Variants in SRGAP1 observed in about 807,000 individuals in gnomAD.
The protein encoded by SRGAP1 is SLIT-ROBO Rho GTPase-activating protein 1.
In SRGAP1, 43 loss-of-function variants were observed where a neutral mutation model predicts 121.9. The observed-to-expected ratio is 0.35, with a 90% confidence interval of 0.28 to 0.46. The LOEUF (loss-of-function observed/expected upper bound fraction) is 0.46. Among genes scored for constraint, SRGAP1 ranks in the 20% least tolerant of loss-of-function variants. SRGAP1 has a pLI of 1.00. For missense variants in SRGAP1, 1,102 were observed against 1,350.9 expected, an observed-to-expected ratio of 0.82 and a Z score of 2.89; for synonymous variants, 447 against 485.4, an observed-to-expected ratio of 0.92 and a Z score of 1.04.
intron 3 of SRGAP1, among the ~76,000 whole-genome samples, chr12:64,003,143 T>A (rs571818162): frequency 6.6e-6 from 1 of 151,846 alleles, no homozygotes; most frequent in South Asian, 2.1e-4. Flanking sequence ...TGGAGTGCAG[T>A]GGCTCAATCA....
intron 1 of SRGAP1, among the ~76,000 whole-genome samples, chr12:63,886,751 G>A (rs564649695): frequency 3.3e-5 from 5 of 152,062 alleles, no homozygotes; most frequent in African/African-American, 7.2e-5. Context: ...GATTACAGGC[G>A]TGAGACACCA....
intron 1 of SRGAP1, among the ~76,000 whole-genome samples, chr12:63,846,949 G>C (rs1333085728): frequency 6.6e-6 from 1 of 152,240 alleles, no homozygotes; most frequent in African/African-American, 2.4e-5. Context: ...CCAATGCAGG[G>C]AGAGTAGGCC....
intron 1 of SRGAP1, among the ~76,000 whole-genome samples, chr12:63,905,745 A>C (rs1038871325): frequency 1.3e-5 from 2 of 152,192 alleles, no homozygotes; most frequent in Non-Finnish European, 2.9e-5. Flanking sequence ...AGGAACAGAC[A>C]CTCTCACATA....
chr12:64,110,494 G>A (rs924888181), intron 16 of SRGAP1, among the ~76,000 whole-genome samples: 2 of 152,310 alleles, frequency 1.3e-5, no homozygotes, highest in East Asian at 3.9e-4. Context: ...CAGGATGCTT[G>A]GGATGGGGAT....
intron 1 of SRGAP1, among the ~76,000 whole-genome samples, chr12:63,875,448 T>C (rs780239522): frequency 6.6e-6 from 1 of 152,238 alleles, no homozygotes; most frequent in Non-Finnish European, 1.5e-5. Context: ...CTGAAATGTA[T>C]GTAAACAAAA....
chr12:63,849,442 T>C (rs755134702), intron 1 of SRGAP1, among the ~76,000 whole-genome samples: 3 of 152,258 alleles, frequency 2.0e-5, no homozygotes, highest in Non-Finnish European at 4.4e-5. Flanking sequence ...TGCTAGTTGC[T>C]AAGAATTGAC....
chr12:63,960,294 G>A (rs968159706), intron 1 of SRGAP1, among the ~76,000 whole-genome samples: 6 of 152,144 alleles, frequency 3.9e-5, no homozygotes, highest in South Asian at 2.1e-4. Context: ...GTTCCCCTCC[G>A]GAGCTTCTGT....
chr12:64,056,058 CAT>C (rs72056921), intron 6 of SRGAP1, among the ~76,000 whole-genome samples: 33,998 of 152,006 alleles, frequency 0.22, 4,023 homozygotes, highest in Non-Finnish European at 0.26. Context: ...CCTCCACACA[CAT>C]AACAACATTC....
chr12:64,113,942 C>T (rs982679401), intron 17 of SRGAP1, among the ~76,000 whole-genome samples: 1 of 152,168 alleles, frequency 6.6e-6, no homozygotes, highest in Admixed American at 6.5e-5. Context: ...GGACCCTGCT[C>T]ACAACACTTT....
chr12:63,854,993 G>A (rs548459628), intron 1 of SRGAP1, among the ~76,000 whole-genome samples: 130 of 152,144 alleles, frequency 8.5e-4, no homozygotes, highest in Non-Finnish European at 1.6e-3. Flanking sequence ...ATTGAGCAAT[G>A]TGCTAGTTAA....
chr12:64,073,853 T>C (rs989497437), intron 8 of SRGAP1, among the ~76,000 whole-genome samples: 11 of 152,140 alleles, frequency 7.2e-5, no homozygotes, highest in Admixed American at 1.3e-4. Flanking sequence ...TTGCGTTTTT[T>C]GGTTGTTCAG....
chr12:63,966,975 C>T (rs941321829), intron 1 of SRGAP1, among the ~76,000 whole-genome samples: 1 of 152,210 alleles, frequency 6.6e-6, no homozygotes, highest in Non-Finnish European at 1.5e-5. Context: ...ATTCACGTCT[C>T]ATAAGTTGCC....
intron 1 of SRGAP1, among the ~76,000 whole-genome samples, chr12:63,846,443 G>A: frequency 6.6e-6 from 1 of 152,130 alleles, no homozygotes; most frequent in East Asian, 1.9e-4. Flanking sequence ...GCCGCCTAGA[G>A]CACTAATTGG....
chr12:64,128,083 C>G lies in SRGAP1; in HGVS notation c.2763C>G (p.Ile921Met), dbSNP rs1334145746. The G allele has an allele frequency of 6.2e-7, 1 of 1,614,170 alleles. No homozygotes were observed. Among genetic ancestry groups the G allele is most frequent in the Admixed American group, 1.7e-5 (1 of 60,024 alleles). Residue 921 changes from isoleucine to methionine, a missense_variant, in exon 21 of 22, where the codon ATC becomes ATG. Ile to Met is a conservative substitution (Grantham distance 10). This residue lies in a region of SRGAP1 where 315 missense variants were observed against 343.1 expected (regional missense o/e 0.92). Coordinates refer to ENST00000355086, the MANE Select transcript of SRGAP1 (RefSeq NM_020762.4). ...CTGGCCATGGCAGCCTGACCAACAT[C>G]AGCCGGCACGACTCCCTCAAGAAGA... ...RRPGHGSLTNISRHDSLKKID... is the reference protein window; with the variant it reads ...RRPGHGSLTNMSRHDSLKKID...
intron 17 of SRGAP1, among the ~76,000 whole-genome samples, chr12:64,113,019 T>A (rs550851783): frequency 6.6e-6 from 1 of 151,858 alleles, no homozygotes; most frequent in South Asian, 2.1e-4. Flanking sequence ...GGCTGGAAGA[T>A]CATTTGAGCC....
At chr12:63,929,808 A>G (rs891926421) in intron 1 of SRGAP1, among the ~76,000 whole-genome samples, 37 of 152,130 alleles carry the variant, frequency 2.4e-4, no homozygotes, top group African/African-American at 8.7e-4. Context: ...ATAATTCAAA[A>G]CAAAGTTCAA....
intron 1 of SRGAP1, among the ~76,000 whole-genome samples, chr12:63,855,916 T>C (rs1484424529): frequency 6.6e-6 from 1 of 152,224 alleles, no homozygotes; most frequent in Non-Finnish European, 1.5e-5. Context: ...CAGTTATATC[T>C]GTTGCAAATA....
chr12:64,135,273 C>G (rs974783469), intron 21 of SRGAP1, among the ~76,000 whole-genome samples: 2 of 152,146 alleles, frequency 1.3e-5, no homozygotes, highest in African/African-American at 2.4e-5. Flanking sequence ...ACAGTAGACA[C>G]CTGGTGAGGC....
intron 21 of SRGAP1, among the ~76,000 whole-genome samples, chr12:64,136,399 A>C (rs1007077356): frequency 2.0e-5 from 3 of 152,214 alleles, no homozygotes; most frequent in Admixed American, 6.5e-5. Flanking sequence ...CAGTGAGAAA[A>C]GAGGTTAATA....
Sources: allele counts gnomAD v4.1 joint callset (sites outside exome capture counted in the v4.1 genomes callset), GRCh38; gene constraint gnomAD v4.1.1; regional missense constraint gnomAD v4.1.1; transcripts MANE v1.5; gene names NCBI Gene and HGNC (gene_info 2026-07-23, HGNC 2026-07-21).